Variants in MEIKIN observed in about 807,000 individuals in gnomAD.
MEIKIN encodes the protein meiotic kinetochore factor.
At chr5:131,894,744 G>C (rs1257670095) in intron 8 of MEIKIN, among the ~76,000 whole-genome samples, 1 of 152,190 alleles carries the variant, frequency 6.6e-6, no homozygotes, top group South Asian at 2.1e-4. Context: ...TTTGCACATT[G>C]ATTTTGTATC....
At chr5:131,938,312 TGCACACCGCCATGCCCG>T (rs1458429531) in intron 4 of MEIKIN, among the ~76,000 whole-genome samples, 1 of 151,660 alleles carries the variant, frequency 6.6e-6, no homozygotes, top group Non-Finnish European at 1.5e-5. Flanking sequence ...AGATTAGAGG[TGCACACCGCCATGCCCG>T]GCTAATTTTT....
chr5:131,893,581 G>A (rs1750978118), intron 8 of MEIKIN, among the ~76,000 whole-genome samples: 1 of 152,192 alleles, frequency 6.6e-6, no homozygotes, highest in South Asian at 2.1e-4. Context: ...CACGCATGGT[G>A]TGCTGCACCC....
At chr5:131,876,846 G>A (rs1750622285) in intron 9 of MEIKIN, among the ~76,000 whole-genome samples, 1 of 152,026 alleles carries the variant, frequency 6.6e-6, no homozygotes, top group Admixed American at 6.6e-5. Flanking sequence ...GTCCTTTGTA[G>A]GGACATGGAT....
intron 8 of MEIKIN, among the ~76,000 whole-genome samples, chr5:131,880,236 C>T (rs1306869786): frequency 6.6e-6 from 1 of 151,558 alleles, no homozygotes; most frequent in East Asian, 1.9e-4. Context: ...ATTACAGGTG[C>T]CTGCCACCAC....
intron 11 of MEIKIN, among the ~76,000 whole-genome samples, chr5:131,819,851 C>G (rs1467210479): frequency 2.2e-5 from 3 of 137,296 alleles, no homozygotes; most frequent in Non-Finnish European, 4.6e-5. Flanking sequence ...TCTCGGCTCA[C>G]TGCAAGCTCC....
chr5:131,870,813 A>G (rs1322925842), intron 9 of MEIKIN, among the ~76,000 whole-genome samples: 1 of 152,132 alleles, frequency 6.6e-6, no homozygotes, highest in Non-Finnish European at 1.5e-5. Context: ...GGTCACCAAA[A>G]ATCTTTGTAA....
At chr5:131,870,449 T>C (rs1291226395) in intron 9 of MEIKIN, among the ~76,000 whole-genome samples, 1 of 152,114 alleles carries the variant, frequency 6.6e-6, no homozygotes, top group Non-Finnish European at 1.5e-5. Context: ...CTGGGCCCAC[T>C]TCTCTTCCTT....
At chr5:131,820,018 G>A (rs1301214703) in intron 11 of MEIKIN, among the ~76,000 whole-genome samples, 14 of 145,244 alleles carry the variant, frequency 9.6e-5, no homozygotes, top group Non-Finnish European at 1.6e-4. Flanking sequence ...CTCGTGATCC[G>A]CCCGCCTCGG....
rs542739628 is a variant in MEIKIN, at chr5:131,852,390, C to A, written c.856-1007G>T. On this transcript the variant is annotated intron_variant, in intron 10 of 12. Transcript: ENST00000442687. Reference sequence around the variant, plus strand: ...CTGAGGCCTCCCCAGCCATGCGGAACTGTGAGCCAATTGAACCTCTTTTCT... The same window carrying A: ...CTGAGGCCTCCCCAGCCATGCGGAAATGTGAGCCAATTGAACCTCTTTTCT... Among the ~76,000 whole-genome samples the A allele has an allele frequency of 2.6e-5, 4 of 152,288 alleles. No individual in the cohort carries two copies. In the East Asian group the frequency reaches 7.7e-4, roughly 29 times the overall value.
intron 9 of MEIKIN, among the ~76,000 whole-genome samples, chr5:131,860,855 G>A (rs895280654): frequency 5.8e-5 from 8 of 137,214 alleles, no homozygotes; most frequent in African/African-American, 1.9e-4. Context: ...TCCACCTCCT[G>A]GGCTCAAGTG....
Position 131,892,295 on chromosome 5 carries a change from G to A in MEIKIN, c.704-13247C>T, listed in dbSNP as rs1046659274. On this transcript the variant is annotated intron_variant, in intron 8 of 12. Transcript: ENST00000442687. ...TAGATTGGGGAAGTTCTCCTGAATA[G>A]TATCCTGCAGAGTGTTTTCCAGCTT... 3.9e-5 allele frequency among the ~76,000 whole-genome samples: 6 copies of A among 152,262 alleles called. No individual in the cohort carries two copies. In the East Asian group the frequency reaches 5.8e-4, roughly 15 times the overall value.
At chr5:131,846,588 C>T (rs1359720954) in intron 11 of MEIKIN, among the ~76,000 whole-genome samples, 2 of 152,146 alleles carry the variant, frequency 1.3e-5, no homozygotes, top group Non-Finnish European at 1.5e-5. Context: ...GTAATCTCAG[C>T]TGCAGGCAGA....
chr5:131,915,297 G>A (rs1751399422), intron 7 of MEIKIN, among the ~76,000 whole-genome samples: 1 of 152,112 alleles, frequency 6.6e-6, no homozygotes, highest in Non-Finnish European at 1.5e-5. Flanking sequence ...TCCTAAATAA[G>A]GCCTTAAGTT....
At chr5:131,939,925 G>A (rs891387732) in intron 4 of MEIKIN, among the ~76,000 whole-genome samples, 1 of 152,106 alleles carries the variant, frequency 6.6e-6, no homozygotes, top group Admixed American at 6.5e-5. Flanking sequence ...TAGAGTACAA[G>A]ACCCATCCAA....
intron 12 of MEIKIN, among the ~76,000 whole-genome samples, chr5:131,812,880 T>C (rs956366238): frequency 6.6e-6 from 1 of 152,254 alleles, no homozygotes; most frequent in Non-Finnish European, 1.5e-5. Flanking sequence ...AGTGGAAAAC[T>C]ACTCTTTTGA....
chr5:131,816,963 T>C (rs1773114411), intron 12 of MEIKIN, among the ~76,000 whole-genome samples: 1 of 152,058 alleles, frequency 6.6e-6, no homozygotes, highest in South Asian at 2.1e-4. Context: ...TCTGTGAGGA[T>C]GTTTCCAGAA....
chr5:131,894,025 G>T (rs1055216741), intron 8 of MEIKIN, among the ~76,000 whole-genome samples: 1 of 152,162 alleles, frequency 6.6e-6, no homozygotes, highest in African/African-American at 2.4e-5. Context: ...GGTTATTATG[G>T]TTGTAGGTCT....
At chr5:131,871,097 G>A (rs1580881853) in intron 9 of MEIKIN, among the ~76,000 whole-genome samples, 1 of 152,332 alleles carries the variant, frequency 6.6e-6, no homozygotes, top group East Asian at 1.9e-4. Flanking sequence ...GGTGATTTCT[G>A]CATTTCCAAC....
intron 11 of MEIKIN, among the ~76,000 whole-genome samples, chr5:131,828,418 C>T (rs971525978): frequency 6.6e-6 from 1 of 152,124 alleles, no homozygotes; most frequent in Admixed American, 6.5e-5. Context: ...CTGCCTTTGA[C>T]CTCCCAAAGT....
Sources: gnomAD v4.1 joint callset for allele counts (sites outside exome capture counted in the v4.1 genomes callset) on GRCh38, gnomAD v4.1.1 for gene constraint, MANE v1.5 for transcripts, NCBI Gene and HGNC (gene_info 2026-07-23, HGNC 2026-07-21) for gene names.